The following POU6F2 variants were observed in gnomAD, a reference collection of about 807,000 sequenced individuals.
The protein encoded by POU6F2 is POU domain, class 6, transcription factor 2.
POU6F2 carries 31 observed loss-of-function variants against 71.3 expected under a neutral mutation model. The ratio of observed to expected loss-of-function variants is 0.43; its 90% CI spans 0.33 to 0.59. The LOEUF is 0.59. Among genes scored for constraint, POU6F2 ranks in the 20% least tolerant of loss-of-function variants. The pLI is 0.04. For synonymous variants in POU6F2, 347 were observed against 355.7 expected (o/e 0.98, Z 0.27); for missense variants, 783 against 856.8 (o/e 0.91, Z 1.07).
intron 1 of POU6F2, among the ~76,000 whole-genome samples, chr7:39,043,535 A>C (rs1254962908): frequency 6.6e-6 from 1 of 152,000 alleles, no homozygotes; most frequent in African/African-American, 2.4e-5. Context: ...CAATGGCTAC[A>C]GTGTAATTTT....
chr7:39,116,120 C>T (rs898425226), intron 2 of POU6F2, among the ~76,000 whole-genome samples: 1 of 152,148 alleles, frequency 6.6e-6, no homozygotes, highest in African/African-American at 2.4e-5. Context: ...GATGGTGGCT[C>T]ACATCTGTAA....
At chr7:39,342,425 T>C (rs1785937818) in intron 5 of POU6F2, among the ~76,000 whole-genome samples, 1 of 152,254 alleles carries the variant, frequency 6.6e-6, no homozygotes, top group Admixed American at 6.5e-5. Context: ...GTTTGAAGAT[T>C]ATTAAGGGAA....
chr7:39,394,041 T>G (rs994393562), intron 5 of POU6F2, among the ~76,000 whole-genome samples: 1 of 152,250 alleles, frequency 6.6e-6, no homozygotes, highest in East Asian at 1.9e-4. Flanking sequence ...GCTCCAGTAC[T>G]TAGTCCCCAA....
At chr7:39,376,447 G>A (rs1786712405) in intron 5 of POU6F2, among the ~76,000 whole-genome samples, 1 of 152,198 alleles carries the variant, frequency 6.6e-6, no homozygotes, top group African/African-American at 2.4e-5. Context: ...AGGAATTGTG[G>A]AGAATAAGGT....
intron 2 of POU6F2, among the ~76,000 whole-genome samples, chr7:39,189,231 T>G (rs1433364152): frequency 1.3e-5 from 2 of 152,186 alleles, no homozygotes; most frequent in Non-Finnish European, 2.9e-5. Context: ...CAAAACCAGG[T>G]GCACTCCATT....
intron 1 of POU6F2, among the ~76,000 whole-genome samples, chr7:39,025,983 A>G (rs1789791214): frequency 6.6e-6 from 1 of 152,240 alleles, no homozygotes. Context: ...TATGCAGCCA[A>G]AAGACACATG....
intron 1 of POU6F2, among the ~76,000 whole-genome samples, chr7:39,058,127 T>G (rs902708996): frequency 6.6e-6 from 1 of 152,204 alleles, no homozygotes; most frequent in African/African-American, 2.4e-5. Flanking sequence ...CAGCATCTAA[T>G]TCCTCCCCCC....
In POU6F2 at chr7:39,380,213, G is replaced by C. The variant is rs184120772; in HGVS notation, c.973-26387G>C. ...TTATTTGTTATACTCTAAGAAGGCA[G>C]TGTCATCCCTGGAGTGAGTGAGACC... On this transcript the variant is annotated intron_variant, in intron 5 of 9. Coordinates refer to ENST00000518318, the MANE Select transcript of POU6F2 (RefSeq NM_001370959.1). Among the ~76,000 whole-genome samples the C allele has an allele frequency of 7.2e-5, 11 of 152,328 alleles. No homozygotes were observed. The East Asian group carries it at 1.9e-3, about 27-fold the overall frequency.
intron 1 of POU6F2, among the ~76,000 whole-genome samples, chr7:39,023,255 TGTGGATATTG>T: frequency 6.6e-6 from 1 of 152,208 alleles, no homozygotes; most frequent in South Asian, 2.1e-4. Context: ...ATATATGTAT[TGTGGATATTG>T]TTTGCCAGTC....
At chr7:39,273,682 T>G (rs1340517004) in intron 4 of POU6F2, among the ~76,000 whole-genome samples, 4 of 145,742 alleles carry the variant, frequency 2.7e-5, no homozygotes, top group African/African-American at 7.5e-5. Flanking sequence ...TCTTGGTTTG[T>G]TTTTTTTTTT....
chr7:39,292,564 T>C (rs1371027592), intron 4 of POU6F2, among the ~76,000 whole-genome samples: 1 of 152,202 alleles, frequency 6.6e-6, no homozygotes, highest in African/African-American at 2.4e-5. Context: ...AAGGTCTTCG[T>C]TGGCATTTGG....
At position 39,404,203 on chromosome 7, in the gene POU6F2, C is replaced by T. The variant is rs117782943; in HGVS notation, c.973-2397C>T. Among the ~76,000 whole-genome samples the T allele has an allele frequency of 5.4e-3, 827 of 152,264 alleles. 6 individuals are homozygous for T. Among genetic ancestry groups the T allele is most frequent in the Admixed American group, 0.013 (194 of 15,300 alleles). On this transcript the variant is annotated intron_variant, in intron 5 of 9. Coordinates refer to ENST00000518318, the MANE Select transcript of POU6F2 (RefSeq NM_001370959.1). ...AGTTGAAATATATCCATTTCTGACC[C>T]CAAAACACAAAAGCTTAGAAGCCCA...
At chr7:39,197,607 C>T (rs549825413) in intron 2 of POU6F2, among the ~76,000 whole-genome samples, 1 of 152,302 alleles carries the variant, frequency 6.6e-6, no homozygotes, top group East Asian at 1.9e-4. Context: ...AGGGATGGAG[C>T]GCAGTGTTGA....
chr7:38,987,716 A>G (rs771710471), intron 1 of POU6F2, among the ~76,000 whole-genome samples: 8 of 152,124 alleles, frequency 5.3e-5, no homozygotes, highest in Non-Finnish European at 1.0e-4. Context: ...GTAAAAAGTT[A>G]TGTTTTACGT....
chr7:39,300,433 C>T lies in POU6F2; in HGVS notation c.599-39209C>T, dbSNP rs202057209. 1.2e-4 allele frequency among the ~76,000 whole-genome samples: 18 copies of T among 152,316 alleles called. No individual in the cohort carries two copies. The East Asian group carries it at 2.7e-3, about 23-fold the overall frequency. ...CTTACAACTCTCAGGCCAGTCCTCA[C>T]GGCAAGTGACGAATGCTGGAGCTGG... On this transcript the variant is annotated intron_variant, in intron 4 of 9. Transcript: ENST00000518318.
At chr7:38,995,132 C>T (rs1038389512) in intron 1 of POU6F2, among the ~76,000 whole-genome samples, 3 of 152,174 alleles carry the variant, frequency 2.0e-5, no homozygotes, top group Non-Finnish European at 4.4e-5. Flanking sequence ...CAATGTTCCT[C>T]CATTACTTGT....
intron 4 of POU6F2, among the ~76,000 whole-genome samples, chr7:39,309,620 C>T (rs1785121123): frequency 6.6e-6 from 1 of 152,138 alleles, no homozygotes; most frequent in Non-Finnish European, 1.5e-5. Context: ...AACTGAAGGG[C>T]TAGTATAATG....
intron 4 of POU6F2, among the ~76,000 whole-genome samples, chr7:39,209,185 GT>G (rs1314390550): frequency 6.6e-6 from 1 of 152,052 alleles, no homozygotes; most frequent in Non-Finnish European, 1.5e-5. Flanking sequence ...TTTCCCTTTT[GT>G]TTTTGTTTGT....
At chr7:39,185,680 C>T (rs969651320) in intron 2 of POU6F2, among the ~76,000 whole-genome samples, 1 of 151,878 alleles carries the variant, frequency 6.6e-6, no homozygotes, top group African/African-American at 2.4e-5. Context: ...TTAATGGTAG[C>T]TTCATTGCCA....
Sources: gnomAD v4.1 joint callset for allele counts (sites outside exome capture counted in the v4.1 genomes callset) on GRCh38, gnomAD v4.1.1 for gene constraint, MANE v1.5 for transcripts, NCBI Gene and HGNC (gene_info 2026-07-23, HGNC 2026-07-21) for gene names.